PHF14: variants seen among roughly 807,000 people sequenced by gnomAD.
The protein encoded by PHF14 is PHD finger protein 14.
In PHF14, 55 loss-of-function variants were observed where a neutral mutation model predicts 117.9. That is an observed-to-expected ratio of 0.47 (90% CI 0.38 to 0.58). PHF14 has a LOEUF of 0.58. Ranked by LOEUF, PHF14 falls within the 20% of genes least tolerant of loss-of-function variation. The probability of loss-of-function intolerance (pLI) is 0.00; values close to 1 mark genes in which losing one functional copy is unlikely to be tolerated. For synonymous variants in PHF14, 409 were observed against 368.6 expected (o/e 1.11, Z -1.26); for missense variants, 978 against 1,122.2 (o/e 0.87, Z 1.84).
chr7:11,049,026 A>G (rs1027055630), intron 13 of PHF14, among the ~76,000 whole-genome samples: 1 of 152,162 alleles, frequency 6.6e-6, no homozygotes, highest in African/African-American at 2.4e-5. Context: ...GACAAGGGTA[A>G]TTGCTACCAA....
At chr7:10,993,427 C>G (rs543986964) in intron 4 of PHF14, among the ~76,000 whole-genome samples, 1 of 152,246 alleles carries the variant, frequency 6.6e-6, no homozygotes, top group South Asian at 2.1e-4. Context: ...GCTGCTAACA[C>G]TCACTGTGGG....
intron 5 of PHF14, among the ~76,000 whole-genome samples, chr7:11,017,253 C>T (rs541502659): frequency 2.6e-5 from 4 of 151,692 alleles, no homozygotes; most frequent in East Asian, 3.9e-4. Context: ...TCCTTTCTTT[C>T]GGATGTATAC....
intron 6 of PHF14, among the ~76,000 whole-genome samples, chr7:11,025,849 C>G (rs60358801): frequency 6.6e-6 from 1 of 151,890 alleles, no homozygotes; most frequent in Non-Finnish European, 1.5e-5. Context: ...CGGTGGCTCA[C>G]GCCTGTAATC....
chr7:11,157,691 G>A (rs544003020), intron 17 of PHF14, among the ~76,000 whole-genome samples: 2 of 152,068 alleles, frequency 1.3e-5, no homozygotes, highest in Non-Finnish European at 2.9e-5. Flanking sequence ...AACTGCAAGC[G>A]TTTAAAAACA....
intron 13 of PHF14, among the ~76,000 whole-genome samples, chr7:11,043,388 G>A (rs1454228590): frequency 6.6e-6 from 1 of 151,818 alleles, no homozygotes; most frequent in Non-Finnish European, 1.5e-5. Flanking sequence ...TCCAAGAAAG[G>A]GACAGATGTT....
chr7:11,103,481 C>T (rs1787158874), intron 16 of PHF14: 1 of 983,392 alleles, frequency 1.0e-6, no homozygotes. Flanking sequence ...ATTTGATCTT[C>T]AAGCTTTAAT....
intron 3 of PHF14, among the ~76,000 whole-genome samples, chr7:10,989,828 A>G (rs1204543429): frequency 6.6e-6 from 1 of 152,112 alleles, no homozygotes; most frequent in African/African-American, 2.4e-5. Flanking sequence ...ACAGGATCTC[A>G]CTGTGTTGCC....
At chr7:11,028,941 A>T in intron 7 of PHF14, 123 bp downstream of exon 7, 1 of 804,814 alleles carries the variant, frequency 1.2e-6, no homozygotes. Flanking sequence ...TCTTGCCAAG[A>T]TCACTGTTCT....
At chr7:11,128,131 A>T (rs912888031) in intron 17 of PHF14, among the ~76,000 whole-genome samples, 1 of 152,070 alleles carries the variant, frequency 6.6e-6, no homozygotes, top group African/African-American at 2.4e-5. Flanking sequence ...AAATAACATA[A>T]AATATATGTA....
At chr7:11,063,468 A>G in intron 16 of PHF14, 1 of 981,602 alleles carries the variant, frequency 1.0e-6, no homozygotes, top group Non-Finnish European at 1.2e-6. Context: ...TTAATTCAGG[A>G]AAATTCCCTT....
chr7:11,075,587 T>C (rs12154647), intron 16 of PHF14, among the ~76,000 whole-genome samples: 1 of 131,634 alleles, frequency 7.6e-6, no homozygotes, highest in Non-Finnish European at 1.6e-5. Flanking sequence ...TTTTTTTTTT[T>C]TTTATTATTA....
intron 16 of PHF14, among the ~76,000 whole-genome samples, chr7:11,072,941 A>C (rs1344258722): frequency 6.6e-6 from 1 of 152,202 alleles, no homozygotes; most frequent in East Asian, 1.9e-4. Flanking sequence ...GAATTTGCTT[A>C]TTCCCATGGG....
chr7:11,137,693 C>G (rs1449717833), intron 17 of PHF14, among the ~76,000 whole-genome samples: 1 of 144,856 alleles, frequency 6.9e-6, no homozygotes, highest in African/African-American at 2.6e-5. Context: ...TCAAGCGATT[C>G]TCCTACCTCA....
Position 11,107,262 on chromosome 7 carries a change from T to C in PHF14, c.2655-4088T>C, listed in dbSNP as rs1386134259. ...TGCTTGTTATATGGATCATAGCACA[T>C]ATGAAGGTAAATCATTTTTTTCCCT... On this transcript the variant is annotated intron_variant, in intron 16 of 17. Transcript: ENST00000634607. 3.1e-6 allele frequency: 3 copies of C among 979,386 alleles called. No individual in the cohort carries two copies. The African/African-American group carries it at 5.3e-5, about 17-fold the overall frequency. The allele number at this position is 979,386 out of a possible 1,614,324, so 60.7% of individuals were successfully genotyped here. A position where few individuals can be genotyped will look rare whatever the true frequency, so the allele number is the denominator to read the frequency against.
At chr7:11,055,995 G>A (rs1785003659) in intron 14 of PHF14, among the ~76,000 whole-genome samples, 1 of 152,074 alleles carries the variant, frequency 6.6e-6, no homozygotes, top group African/African-American at 2.4e-5. Flanking sequence ...AGTTATTTGT[G>A]GGGGCTTTAC....
At chr7:10,994,984 G>A (rs1583341747) in intron 4 of PHF14, among the ~76,000 whole-genome samples, 1 of 152,148 alleles carries the variant, frequency 6.6e-6, no homozygotes, top group Non-Finnish European at 1.5e-5. Context: ...CCTGCTGATA[G>A]GTCCATTTTA....
At chr7:11,033,742 C>T (rs915698233) in intron 7 of PHF14, among the ~76,000 whole-genome samples, 25 of 152,126 alleles carry the variant, frequency 1.6e-4, no homozygotes, top group African/African-American at 5.8e-4. Context: ...CAATTTCAAC[C>T]TCATTTACTT....
chr7:11,031,308 T>C (rs1334832958), intron 7 of PHF14, among the ~76,000 whole-genome samples: 1 of 152,180 alleles, frequency 6.6e-6, no homozygotes, highest in Non-Finnish European at 1.5e-5. Context: ...TTTATCTCAT[T>C]GGTGAGAATC....
intron 7 of PHF14, among the ~76,000 whole-genome samples, chr7:11,031,495 G>A (rs997676409): frequency 6.6e-6 from 1 of 151,540 alleles, no homozygotes; most frequent in Non-Finnish European, 1.5e-5. Flanking sequence ...GCTCATGCCT[G>A]TAATCTCAAC....
Sources: gnomAD v4.1 joint callset for allele counts (sites outside exome capture counted in the v4.1 genomes callset) on GRCh38, gnomAD v4.1.1 for gene constraint, MANE v1.5 for transcripts, NCBI Gene and HGNC (gene_info 2026-07-23, HGNC 2026-07-21) for gene names.